Variants in CELF1 observed in about 807,000 individuals in gnomAD.
The protein encoded by CELF1 is CUGBP Elav-like family member 1, also known as 50 kDa nuclear polyadenylated RNA-binding protein.
CELF1 carries 10 observed loss-of-function variants against 61.8 expected under a neutral mutation model. The observed-to-expected ratio is 0.16, with a 90% CI of 0.10 to 0.27. The LOEUF (loss-of-function observed/expected upper bound fraction) is 0.27, where lower values mean the gene tolerates loss of function less well. CELF1 is among the 10% of genes least tolerant of loss of function. CELF1 has a pLI of 1.00. For missense variants in CELF1, 380 were observed against 639.1 expected, an observed-to-expected ratio of 0.59 and a Z score of 4.37; for synonymous variants, 236 against 225.1, an observed-to-expected ratio of 1.05 and a Z score of -0.43.
rs1049931891 is a variant in CELF1 at position 47,471,291 on chromosome 11, T to G, written c.*939A>C. 1.3e-5 allele frequency: 2 copies of G among 152,240 alleles called. No homozygotes were observed. Among genetic ancestry groups the G allele is most frequent in the African/African-American group, 4.8e-5 (2 of 41,446 alleles). The allele number at this position is 152,240 out of a possible 1,614,324, so 9.4% of individuals were successfully genotyped here. On this transcript the variant is annotated 3_prime_UTR_variant, in exon 15 of 15. Transcript: ENST00000687097. Reference sequence around the variant, plus strand: ...TTTGCCTTCATGAGAAAATGGTGGCTTGGGATGGAGGTGACATTCCTTGCT... The same window carrying G: ...TTTGCCTTCATGAGAAAATGGTGGCGTGGGATGGAGGTGACATTCCTTGCT...
rs2077338596 is a variant in CELF1 at position 47,469,980 on chromosome 11, A to C, written c.*2250T>G. 1 of 152,290 alleles carries C rather than the reference A, an allele frequency of 6.6e-6. No homozygotes were observed. The allele number at this position is 152,290 out of a possible 1,614,324, so 9.4% of individuals were successfully genotyped here. ...GAAGGCTAGGGAGCACAGCACCGGC[A>C]GCACCCTATGGAGCACAGCTCTCTC... On this transcript the variant is annotated 3_prime_UTR_variant, in exon 15 of 15. Coordinates refer to ENST00000687097, the MANE Select transcript of CELF1 (RefSeq NM_001376376.1).
chr11:47,484,808 A>G (rs538032348), intron 6 of CELF1, among the ~76,000 whole-genome samples: 8 of 152,226 alleles, frequency 5.3e-5, no homozygotes, highest in Admixed American at 5.2e-4. Flanking sequence ...CCTCCTGAGT[A>G]GCTGGGATTA....
At chr11:47,502,568 C>G (rs1417631037) in intron 1 of CELF1, among the ~76,000 whole-genome samples, 1 of 152,068 alleles carries the variant, frequency 6.6e-6, no homozygotes, top group African/African-American at 2.4e-5. Context: ...CACGGTGGCT[C>G]AAGCCTGTAA....
chr11:47,471,863 T>G lies in CELF1; in HGVS notation c.*367A>C. Reference sequence around the variant, plus strand: ...GGCAAATCCTGATCATCGTCTGTGTTAAATGTTTCCCTGTCCCCCTTCCCC... The same window carrying G: ...GGCAAATCCTGATCATCGTCTGTGTGAAATGTTTCCCTGTCCCCCTTCCCC... On this transcript the variant is annotated 3_prime_UTR_variant, in exon 15 of 15. Transcript: ENST00000687097. 1 of 184,522 alleles carries G rather than the reference T, an allele frequency of 5.4e-6. No homozygotes were observed. Among genetic ancestry groups the G allele is most frequent in the South Asian group, 1.2e-4 (1 of 8,018 alleles). The allele number at this position is 184,522 out of a possible 1,614,324, so 11.4% of individuals were successfully genotyped here.
intron 1 of CELF1, among the ~76,000 whole-genome samples, chr11:47,538,881 T>C (rs61895112): frequency 0.2 from 30,589 of 152,114 alleles, 3,909 homozygotes; most frequent in East Asian, 0.28. Context: ...GTGATGCTCC[T>C]CTCACAGATC....
At chr11:47,549,984 T>C (rs1230567964) in intron 1 of CELF1, among the ~76,000 whole-genome samples, 3 of 151,988 alleles carry the variant, frequency 2.0e-5, no homozygotes, top group Non-Finnish European at 4.4e-5. Context: ...ACCTGGTTAA[T>C]TTCTGTATTT....
intron 2 of CELF1, 42 bp from the exon 3 acceptor site, chr11:47,499,646 G>A (rs994888106): frequency 2.8e-6 from 2 of 722,654 alleles, no homozygotes; most frequent in African/African-American, 3.6e-5. Flanking sequence ...AGGAGCTCAG[G>A]GAAACCAGCA....
In CELF1 at chr11:47,489,935, G is replaced by GTTTTTTTTTTTTTTGTTTTT. The variant is rs1555170255; in HGVS notation, c.72-912_72-911insAAAAACAAAAAAAAAAAAAA. 4.1e-5 allele frequency among the ~76,000 whole-genome samples: 2 copies of GTTTTTTTTTTTTTTGTTTTT among 48,226 alleles called. 1 individual carries two copies. The highest frequency in any genetic ancestry group is 1.6e-4 in the African/African-American group (2 of 12,850). The allele number at this position is 48,226 out of a possible 152,430, so 31.6% of individuals were successfully genotyped here. A position where few individuals can be genotyped will look rare whatever the true frequency, so the allele number is the denominator to read the frequency against. On this transcript the variant is annotated intron_variant, in intron 3 of 14. Transcript: ENST00000687097. ...GTTTCCACTCAGAACATACCATCTT[G>GTTTTTTTTTTTTTTGTTTTT]TTTTTTTTTTTTTTTTTTTTGAGAC...
At chr11:47,500,653 T>G (rs2093782938) in intron 2 of CELF1, among the ~76,000 whole-genome samples, 1 of 152,030 alleles carries the variant, frequency 6.6e-6, no homozygotes, top group South Asian at 2.1e-4. Context: ...AGTGCACACA[T>G]AAAAATTCTA....
intron 1 of CELF1, among the ~76,000 whole-genome samples, chr11:47,502,502 G>GTGTGTGCGTGTGTGTGTA (rs1719018633): frequency 6.6e-6 from 1 of 152,124 alleles, no homozygotes; most frequent in African/African-American, 2.4e-5. Flanking sequence ...AAAACTGCCC[G>GTGTGTGCGTGTGTGTGTA]TGTGTGCGTG....
chr11:47,513,526 C>T (rs1441385113), intron 1 of CELF1: 1 of 151,726 alleles, frequency 6.6e-6, no homozygotes, highest in Non-Finnish European at 1.5e-5. Flanking sequence ...GTGGCGTGAT[C>T]TCAGCTCACT....
intron 1 of CELF1, among the ~76,000 whole-genome samples, chr11:47,526,388 T>C (rs1230615894): frequency 6.6e-6 from 1 of 152,194 alleles, no homozygotes; most frequent in Non-Finnish European, 1.5e-5. Flanking sequence ...AACAAGATGA[T>C]TTCTAAGATC....
Position 47,553,107 on chromosome 11 carries a change from CT to C in CELF1, c.-270del, listed in dbSNP as rs1163508024. ...GGGGAGCCTCCGCGTCCCGCCGCCG[CT>C]GCCGCTGCCGCCAGAGCAGAACACC... On this transcript the variant is annotated 5_prime_UTR_variant, in exon 1 of 15. Transcript: ENST00000687097. 6 of 398,180 alleles carry C rather than the reference CT, an allele frequency of 1.5e-5. No homozygotes were observed. The highest frequency in any genetic ancestry group is 4.1e-5 in the African/African-American group (2 of 48,518). The allele number at this position is 398,180 out of a possible 1,614,324, so 24.7% of individuals were successfully genotyped here. A position where few individuals can be genotyped will look rare whatever the true frequency, so the allele number is the denominator to read the frequency against.
At chr11:47,477,158 G>T in intron 11 of CELF1, 139 bp downstream of exon 11, 2 of 1,011,580 alleles carry the variant, frequency 2.0e-6, no homozygotes, top group Non-Finnish European at 2.9e-6. Flanking sequence ...TACAAAAGAT[G>T]ACATTTGAAA....
intron 1 of CELF1, among the ~76,000 whole-genome samples, chr11:47,502,283 A>C (rs1396841182): frequency 6.6e-6 from 1 of 152,192 alleles, no homozygotes; most frequent in Non-Finnish European, 1.5e-5. Flanking sequence ...TTATTACATG[A>C]AAGAGGGCAC....
At chr11:47,499,625 A>G (rs2093644278) in intron 2 of CELF1, 21 bp from the exon 3 acceptor site, 2 of 918,434 alleles carry the variant, frequency 2.2e-6, no homozygotes, top group South Asian at 2.9e-5. Context: ...CAAAAAACAC[A>G]AAGTGGAAAC....
intron 1 of CELF1, among the ~76,000 whole-genome samples, chr11:47,517,218 C>T (rs577968920): frequency 6.7e-6 from 1 of 149,028 alleles, no homozygotes; most frequent in Non-Finnish European, 1.5e-5. Flanking sequence ...TGCACTCCAG[C>T]CTGGACAACT....
intron 1 of CELF1, among the ~76,000 whole-genome samples, chr11:47,518,021 T>C (rs1180815337): frequency 6.6e-6 from 1 of 152,082 alleles, no homozygotes; most frequent in Non-Finnish European, 1.5e-5. Context: ...CCTTGTCCAC[T>C]TCCCCCTGCA....
At chr11:47,516,236 T>C (rs891100758) in intron 1 of CELF1, among the ~76,000 whole-genome samples, 10 of 152,156 alleles carry the variant, frequency 6.6e-5, no homozygotes, top group Non-Finnish European at 1.3e-4. Context: ...AAGGACTGAA[T>C]GGCCCATGGA....
Sources: allele counts gnomAD v4.1 joint callset (sites outside exome capture counted in the v4.1 genomes callset), GRCh38; gene constraint gnomAD v4.1.1; transcripts MANE v1.5; gene names NCBI Gene and HGNC (gene_info 2026-07-23, HGNC 2026-07-21).